Variants in XKR6 observed in about 807,000 individuals in gnomAD.
The protein encoded by XKR6 is XK-related protein 6.
A neutral mutation model predicts 56.7 loss-of-function variants in XKR6; 22 were observed. The ratio of observed to expected loss-of-function variants is 0.39; its 90% confidence interval spans 0.28 to 0.55. XKR6 has a LOEUF of 0.55. Ranked by LOEUF, XKR6 falls within the 20% of genes least tolerant of loss-of-function variation. The pLI is 0.66. For synonymous variants in XKR6, 524 were observed against 387.8 expected (o/e 1.35, Z -4.13); for missense variants, 852 against 889.0 (o/e 0.96, Z 0.53).
At chr8:10,904,308 C>G (rs1414757280) in intron 2 of XKR6, among the ~76,000 whole-genome samples, 1 of 152,098 alleles carries the variant, frequency 6.6e-6, no homozygotes, top group Non-Finnish European at 1.5e-5. Flanking sequence ...AGGGCAACTC[C>G]CCAGAGAAAG....
At chr8:11,132,767 G>GCGCACACACACACA (rs1554468041) in intron 1 of XKR6, among the ~76,000 whole-genome samples, 5 of 138,274 alleles carry the variant, frequency 3.6e-5, no homozygotes, top group South Asian at 2.4e-4. Flanking sequence ...ACACACGCAC[G>GCGCACACACACACA]CACACACACA....
chr8:11,154,965 G>C (rs924727160), intron 1 of XKR6, among the ~76,000 whole-genome samples: 31 of 152,088 alleles, frequency 2.0e-4, no homozygotes, highest in Admixed American at 5.2e-4. Flanking sequence ...CTCCTGGAAG[G>C]GAAAGACAAA....
intron 1 of XKR6, among the ~76,000 whole-genome samples, chr8:10,971,699 C>T (rs1586373796): frequency 6.6e-6 from 1 of 152,126 alleles, no homozygotes; most frequent in South Asian, 2.1e-4. Context: ...ATGGAAATAT[C>T]CCCTCTTGCC....
chr8:11,195,797 C>T (rs558439579), intron 1 of XKR6, among the ~76,000 whole-genome samples: 17 of 151,656 alleles, frequency 1.1e-4, no homozygotes, highest in Non-Finnish European at 2.5e-4. Flanking sequence ...TACAGGCGCC[C>T]GCCACCACGC....
chr8:11,130,196 T>G (rs980706811), intron 1 of XKR6, among the ~76,000 whole-genome samples: 1 of 152,122 alleles, frequency 6.6e-6, no homozygotes, highest in East Asian at 1.9e-4. Context: ...TGTGTGTATG[T>G]ATTTAGGGTT....
chr8:11,094,905 G>A (rs1288058779), intron 1 of XKR6, among the ~76,000 whole-genome samples: 1 of 152,202 alleles, frequency 6.6e-6, no homozygotes, highest in Non-Finnish European at 1.5e-5. Context: ...AGGAGGGAGA[G>A]CATCAGGAAG....
intron 1 of XKR6, chr8:11,105,164 ATATT>A (rs1250026651): frequency 1.3e-5 from 2 of 152,172 alleles, no homozygotes; most frequent in East Asian, 3.9e-4. Flanking sequence ...GAATATGCTA[ATATT>A]TATTGCACGG....
chr8:11,173,768 C>A (rs1000653539), intron 1 of XKR6, among the ~76,000 whole-genome samples: 2 of 152,174 alleles, frequency 1.3e-5, no homozygotes, highest in Non-Finnish European at 2.9e-5. Flanking sequence ...ACCCACCCAC[C>A]AGTTCCCTGA....
chr8:11,037,563 A>G (rs1341697480), intron 1 of XKR6, among the ~76,000 whole-genome samples: 5 of 152,226 alleles, frequency 3.3e-5, no homozygotes, highest in Non-Finnish European at 5.9e-5. Flanking sequence ...ACACGCATGT[A>G]AAAATGATTG....
At chr8:11,178,562 A>ATATATATATATG (rs1563197849) in intron 1 of XKR6, among the ~76,000 whole-genome samples, 1 of 142,894 alleles carries the variant, frequency 7.0e-6, no homozygotes, top group East Asian at 2.0e-4. Context: ...ATATATATAT[A>ATATATATATATG]TATATATATA....
At chr8:10,915,474 A>G (rs1312227985) in intron 2 of XKR6, among the ~76,000 whole-genome samples, 1 of 150,958 alleles carries the variant, frequency 6.6e-6, no homozygotes, top group African/African-American at 2.4e-5. Context: ...ATTCACTGTC[A>G]TGAAACCCAT....
intron 1 of XKR6, among the ~76,000 whole-genome samples, chr8:11,000,838 C>T (rs1269863489): frequency 1.3e-5 from 2 of 152,102 alleles, no homozygotes; most frequent in Non-Finnish European, 2.9e-5. Context: ...GATGCATAGC[C>T]GGGAAAGGAA....
intron 1 of XKR6, among the ~76,000 whole-genome samples, chr8:11,161,211 C>A (rs1013056679): frequency 6.6e-6 from 1 of 152,152 alleles, no homozygotes; most frequent in African/African-American, 2.4e-5. Context: ...CCAACACAAA[C>A]GCTTCCGAGT....
chr8:10,898,036 T>C lies in XKR6; in HGVS notation c.1842A>G (p.Gln614=), dbSNP rs139729753. 8.7e-6 allele frequency: 14 copies of C among 1,613,850 alleles called. No homozygotes were observed. Among genetic ancestry groups the C allele is most frequent in the African/African-American group, 8.0e-5 (6 of 74,878 alleles). ...TGCCTACTGCGGTGGGGGTGACATATTGTAGAATGTTAATAGTCCTTCTCA... is the reference window on the plus strand; with the variant it reads ...TGCCTACTGCGGTGGGGGTGACATACTGTAGAATGTTAATAGTCCTTCTCA... ...RRLRRTINIL[Q]YVTPTAVGIR... is the part of the protein sequence containing the mutation. The change falls in exon 3 of 3, where the codon CAA becomes CAG. Residue 614 remains glutamine (Q), a synonymous_variant. Transcript: ENST00000416569. This position sits in a 1 kb window ranked among gnomAD's most constrained non-coding sequence, Gnocchi z 6.6.
chr8:10,979,901 T>C (rs1259157275), intron 1 of XKR6, among the ~76,000 whole-genome samples: 1 of 152,144 alleles, frequency 6.6e-6, no homozygotes, highest in Non-Finnish European at 1.5e-5. Context: ...TTGGGGGACT[T>C]ATAAGGACAT....
At position 10,897,885 on chromosome 8, in the gene XKR6, T is replaced by G; in HGVS notation, c.*67A>C. On this transcript the variant is annotated 3_prime_UTR_variant, in exon 3 of 3. Transcript: ENST00000416569. ...TGTATTGGGGGAAGGGAGGGTTATATTTCTTGCAAGTGCTGTTTGCCGCAA... is the reference window on the plus strand; with the variant it reads ...TGTATTGGGGGAAGGGAGGGTTATAGTTCTTGCAAGTGCTGTTTGCCGCAA... 4 of 1,509,556 alleles carry G rather than the reference T, an allele frequency of 2.6e-6. No individual in the cohort carries two copies. Among genetic ancestry groups the G allele is most frequent in the Non-Finnish European group, 3.5e-6 (4 of 1,131,566 alleles). 93.5% of individuals were successfully genotyped at this position (1,509,556 alleles called of 1,614,324 possible). A position where few individuals can be genotyped will look rare whatever the true frequency, so the allele number is the denominator to read the frequency against.
intron 1 of XKR6, among the ~76,000 whole-genome samples, chr8:11,094,294 T>C (rs1798198716): frequency 6.6e-6 from 1 of 152,164 alleles, no homozygotes; most frequent in African/African-American, 2.4e-5. Context: ...GTTCAAGCGA[T>C]TCTCCTGCTG....
intron 1 of XKR6, among the ~76,000 whole-genome samples, chr8:11,026,314 CTAGATGGTCTAGCCTACTATACACT>C (rs1798861091): frequency 6.7e-6 from 1 of 149,858 alleles, no homozygotes; most frequent in African/African-American, 2.5e-5. Context: ...TACTACACAC[CTAGATGGTCTAGCCTACTATACACT>C]TAGATAGTGT....
chr8:10,940,739 T>A (rs1341332490), intron 1 of XKR6, among the ~76,000 whole-genome samples: 1 of 152,130 alleles, frequency 6.6e-6, no homozygotes, highest in Non-Finnish European at 1.5e-5. Flanking sequence ...ACAAACAACC[T>A]GTACGCGACA....
Sources: allele counts gnomAD v4.1 joint callset (sites outside exome capture counted in the v4.1 genomes callset), GRCh38; gene constraint gnomAD v4.1.1; non-coding constraint Gnocchi (gnomAD v3.1); transcripts MANE v1.5; gene names NCBI Gene and HGNC (gene_info 2026-07-23, HGNC 2026-07-21).